The following LAMB4 variants were observed in gnomAD, a reference collection of about 807,000 sequenced individuals.
LAMB4 encodes the protein laminin subunit beta-4.
LAMB4 carries 196 observed loss-of-function variants against 199.2 expected under a neutral mutation model. That is an observed-to-expected ratio of 0.98 (90% CI 0.88 to 1.11). The LOEUF is 1.11. LAMB4 is among the 50% of genes least tolerant of loss of function. The pLI is 0.00. For missense variants in LAMB4, 2,080 were observed against 2,171.2 expected, an observed-to-expected ratio of 0.96 and a Z score of 0.83; for synonymous variants, 744 against 770.6, an observed-to-expected ratio of 0.97 and a Z score of 0.57.
intron 33 of LAMB4, among the ~76,000 whole-genome samples, chr7:108,028,776 C>A (rs976644394): frequency 6.6e-5 from 10 of 151,588 alleles, no homozygotes; most frequent in Admixed American, 2.0e-4. Flanking sequence ...TGTGCCCAGC[C>A]AAAAAAGGGC....
intron 23 of LAMB4, among the ~76,000 whole-genome samples, chr7:108,061,072 T>A (rs1382727015): frequency 1.3e-5 from 2 of 152,224 alleles, no homozygotes; most frequent in African/African-American, 2.4e-5. Flanking sequence ...ACTTCTCTGG[T>A]GTTTTCGGAA....
At chr7:108,101,589 C>T (rs564113658) in intron 10 of LAMB4, among the ~76,000 whole-genome samples, 4 of 152,094 alleles carry the variant, frequency 2.6e-5, no homozygotes, top group Non-Finnish European at 5.9e-5. Context: ...ACTTGTTCGT[C>T]GGCAAGTAAA....
At chr7:108,050,868 T>C (rs1175369172) in intron 26 of LAMB4, among the ~76,000 whole-genome samples, 1 of 152,248 alleles carries the variant, frequency 6.6e-6, no homozygotes, top group East Asian at 1.9e-4. Context: ...GATTCCGTTT[T>C]TGCTACTCTG....
chr7:108,073,231 C>T (rs1433452574), intron 17 of LAMB4, among the ~76,000 whole-genome samples: 1 of 152,220 alleles, frequency 6.6e-6, no homozygotes, highest in Non-Finnish European at 1.5e-5. Context: ...GTCTCAAACT[C>T]CTGATGTCCG....
chr7:108,112,838 A>G (rs2038279712), intron 3 of LAMB4, among the ~76,000 whole-genome samples: 1 of 152,126 alleles, frequency 6.6e-6, no homozygotes, highest in Non-Finnish European at 1.5e-5. Context: ...ATTGCCTACA[A>G]CAGCATAGGT....
intron 29 of LAMB4, among the ~76,000 whole-genome samples, chr7:108,043,546 T>C (rs1353614842): frequency 2.6e-4 from 1 of 3,912 alleles, no homozygotes; most frequent in African/African-American, 1.7e-3. Flanking sequence ...GGCTATGATG[T>C]TTTTTTTTTT....
intron 10 of LAMB4, among the ~76,000 whole-genome samples, chr7:108,099,155 A>G (rs2037732222): frequency 6.6e-6 from 1 of 152,208 alleles, no homozygotes; most frequent in Admixed American, 6.5e-5. Flanking sequence ...AAACACCTGT[A>G]AGAAGGAAAG....
rs1317161221 is a variant in LAMB4 at position 108,048,029 on chromosome 7, T to G, written c.4205A>C (p.Lys1402Thr). 1 of 1,614,178 alleles carries G rather than the reference T, an allele frequency of 6.2e-7. No individual in the cohort carries two copies. Among genetic ancestry groups the G allele is most frequent in the South Asian group, 1.1e-5 (1 of 91,084 alleles). The change falls in exon 28 of 34, where the codon AAG (lysine) becomes ACG (threonine). Residue 1402 changes from lysine to threonine, a missense_variant. Transcript: ENST00000388781. ...ALCTGRKGHR[K>T]CRGPGCHGSL... ...GCCGTGACAGCCGGGACCCCTACAC[T>G]TCCTGTGCCCCTTCCGGCCCGTGCA...
At chr7:108,076,090 ATAG>A (rs1160516657) in intron 17 of LAMB4, among the ~76,000 whole-genome samples, 2 of 152,194 alleles carry the variant, frequency 1.3e-5, no homozygotes, top group African/African-American at 2.4e-5. Context: ...TCAAATATAC[ATAG>A]TAGTAATATA....
chr7:108,097,735 T>TAAAC (rs1242515850), intron 11 of LAMB4, among the ~76,000 whole-genome samples: 79 of 151,102 alleles, frequency 5.2e-4, no homozygotes, highest in African/African-American at 1.8e-3. Flanking sequence ...AATAAATAAA[T>TAAAC]AAACAAACCA....
At position 108,068,078 on chromosome 7, in the gene LAMB4, A is replaced by G. The variant is rs1414807848; in HGVS notation, c.2384T>C (p.Val795Ala). ...TGAGCACCTGTCACAGCAGCGCCCG[A>G]CCACAAGAGGTTTACACTGGCACTG... ...GGQCQCKPLV[V>A]GRCCDRCSTG... Residue 795 changes from valine to alanine, a missense_variant, in exon 19 of 34, where the codon GTC becomes GCC. Coordinates refer to ENST00000388781, the MANE Select transcript of LAMB4 (RefSeq NM_007356.3). 2 of 1,614,126 alleles carry G rather than the reference A, an allele frequency of 1.2e-6. No individual in the cohort carries two copies. Among genetic ancestry groups the G allele is most frequent in the Admixed American group, 3.3e-5 (2 of 60,018 alleles).
chr7:108,111,522 T>C (rs1455788359), intron 4 of LAMB4, among the ~76,000 whole-genome samples: 2 of 152,222 alleles, frequency 1.3e-5, no homozygotes, highest in Non-Finnish European at 2.9e-5. Flanking sequence ...CTTCTTATTA[T>C]TATTTTTTTA....
intron 2 of LAMB4, among the ~76,000 whole-genome samples, chr7:108,118,124 T>A (rs2038473471): frequency 6.6e-6 from 1 of 152,178 alleles, no homozygotes; most frequent in Non-Finnish European, 1.5e-5. Flanking sequence ...GAAATAGTTT[T>A]TTTTCTTTTA....
chr7:108,086,803 G>A (rs963656651), intron 14 of LAMB4, among the ~76,000 whole-genome samples: 3 of 152,124 alleles, frequency 2.0e-5, no homozygotes, highest in Admixed American at 2.0e-4. Context: ...ATCACCTTGG[G>A]GCACATGGCA....
intron 5 of LAMB4, 26 bp downstream of exon 5, chr7:108,109,145 G>A (rs2038128868): frequency 9.8e-6 from 15 of 1,528,274 alleles, no homozygotes; most frequent in Non-Finnish European, 9.1e-6. Context: ...AGATAAAAGA[G>A]GGGCAGCAGG....
chr7:108,043,545 G>GTGTTTTTTTTTTTTTTTTTTTT (rs2035496985), intron 29 of LAMB4, among the ~76,000 whole-genome samples: 1 of 56,002 alleles, frequency 1.8e-5, no homozygotes, highest in African/African-American at 1.5e-4. Flanking sequence ...TGGCTATGAT[G>GTGTTTTTTTTTTTTTTTTTTTT]TTTTTTTTTT....
At chr7:108,121,760 A>G (rs1461695670) in intron 2 of LAMB4, among the ~76,000 whole-genome samples, 1 of 151,666 alleles carries the variant, frequency 6.6e-6, no homozygotes, top group African/African-American at 2.4e-5. Flanking sequence ...TAAAAAAAAA[A>G]AAAAAAGAAC....
At chr7:108,109,471 G>T (rs185178924) in intron 4 of LAMB4, among the ~76,000 whole-genome samples, 28 of 152,306 alleles carry the variant, frequency 1.8e-4, no homozygotes, top group African/African-American at 6.0e-4. Context: ...TGTTTTAGTG[G>T]CAACACACAT....
intron 15 of LAMB4, among the ~76,000 whole-genome samples, chr7:108,079,139 G>C (rs2036826029): frequency 6.6e-6 from 1 of 152,198 alleles, no homozygotes; most frequent in Admixed American, 6.5e-5. Context: ...GCGGCAGGGG[G>C]TCTACTAGTG....
Sources: gnomAD v4.1 joint callset for allele counts (sites outside exome capture counted in the v4.1 genomes callset) on GRCh38, gnomAD v4.1.1 for gene constraint, MANE v1.5 for transcripts, NCBI Gene and HGNC (gene_info 2026-07-23, HGNC 2026-07-21) for gene names.